The following DENND11 variants were observed in gnomAD, a reference collection of about 807,000 sequenced individuals.
DENND11 encodes the protein DENN domain containing 11.
DENND11 carries 34 observed loss-of-function variants against 49.2 expected under a neutral mutation model. The observed-to-expected ratio is 0.69, with a 90% CI of 0.53 to 0.92. DENND11 has a LOEUF of 0.92. Ranked by LOEUF, DENND11 falls within the 40% of genes least tolerant of loss-of-function variation. DENND11 has a pLI of 0.00. For missense variants in DENND11, 475 were observed against 581.6 expected, an observed-to-expected ratio of 0.82 and a Z score of 1.88; for synonymous variants, 238 against 230.3, an observed-to-expected ratio of 1.03 and a Z score of -0.30.
In DENND11 at chr7:141,661,007, A is replaced by G. The variant is rs558895611; in HGVS notation, c.*1649T>C. On this transcript the variant is annotated 3_prime_UTR_variant, in exon 9 of 9. Transcript: ENST00000536163. ...AATCAATGTCTATTTGCATTTCCACATGTGAATTTCTTCAGTTTTGATATT... is the reference window on the plus strand; with the variant it reads ...AATCAATGTCTATTTGCATTTCCACGTGTGAATTTCTTCAGTTTTGATATT... The G allele has an allele frequency of 1.3e-5, 2 of 152,282 alleles. No homozygotes were observed. Among genetic ancestry groups the G allele is most frequent in the South Asian group, 4.1e-4 (2 of 4,826 alleles). The allele number at this position is 152,282 out of a possible 1,614,324, so 9.4% of individuals were successfully genotyped here. A position where few individuals can be genotyped will look rare whatever the true frequency, so the allele number is the denominator to read the frequency against.
intron 1 of DENND11, among the ~76,000 whole-genome samples, chr7:141,687,333 G>A (rs79038959): frequency 0.049 from 7,408 of 152,206 alleles, 290 homozygotes; most frequent in Non-Finnish European, 0.074. Flanking sequence ...AGTTTCTCCT[G>A]AGCTAGATGC....
intron 3 of DENND11, among the ~76,000 whole-genome samples, chr7:141,678,279 AG>A (rs1311827126): frequency 3.9e-5 from 6 of 152,286 alleles, no homozygotes; most frequent in East Asian, 3.9e-4. Flanking sequence ...CCTTTTTAAA[AG>A]AAATAAAATA....
In DENND11 at chr7:141,701,878, GCCCTCA is replaced by G; in HGVS notation, c.268+2_268+7del. 1 of 1,196,754 alleles carries G rather than the reference GCCCTCA, an allele frequency of 8.4e-7. No individual in the cohort carries two copies. The highest frequency in any genetic ancestry group is 1.0e-6 in the Non-Finnish European group (1 of 966,084). The allele number at this position is 1,196,754 out of a possible 1,614,324, so 74.1% of individuals were successfully genotyped here. A position where few individuals can be genotyped will look rare whatever the true frequency, so the allele number is the denominator to read the frequency against. On this transcript the variant is annotated splice_donor_variant and splice_donor_5th_base_variant and intron_variant, in intron 1 of 8. Coordinates refer to ENST00000536163, the MANE Select transcript of DENND11 (RefSeq NM_001080392.2). LOFTEE classifies it high-confidence loss of function. ...TCCCCACGCGCCTGGCCCCGGCGCG[GCCCTCA>G]CCCGAGCGGGGGTCGAAGGTGACCA...
intron 1 of DENND11, among the ~76,000 whole-genome samples, chr7:141,690,719 T>A (rs761856597): frequency 2.0e-5 from 3 of 152,216 alleles, no homozygotes; most frequent in Non-Finnish European, 4.4e-5. Context: ...AAGCTTAGGT[T>A]AATAGGGCTT....
intron 8 of DENND11, 59 bp from the exon 9 acceptor site, chr7:141,662,910 A>G: frequency 7.7e-7 from 1 of 1,306,100 alleles, no homozygotes; most frequent in Non-Finnish European, 1.0e-6. Context: ...AGCTCACCAG[A>G]TAATCCACAT....
intron 1 of DENND11, among the ~76,000 whole-genome samples, chr7:141,697,904 A>G (rs994187801): frequency 3.3e-5 from 5 of 152,218 alleles, no homozygotes; most frequent in African/African-American, 1.2e-4. Flanking sequence ...GGCACTGGCT[A>G]GAGGCTGAGG....
intron 3 of DENND11, among the ~76,000 whole-genome samples, chr7:141,685,043 T>A (rs1422685960): frequency 2.3e-5 from 3 of 131,208 alleles, no homozygotes; most frequent in South Asian, 2.3e-4. Flanking sequence ...TATATATATA[T>A]ATATATATAT....
intron 1 of DENND11, among the ~76,000 whole-genome samples, chr7:141,687,592 G>A (rs958550276): frequency 6.7e-6 from 1 of 148,322 alleles, no homozygotes; most frequent in Non-Finnish European, 1.5e-5. Flanking sequence ...AGCCTCCCAC[G>A]TAGCTGGGAT....
chr7:141,676,835 T>G (rs1011753704), intron 3 of DENND11, among the ~76,000 whole-genome samples: 8 of 152,114 alleles, frequency 5.3e-5, no homozygotes, highest in Admixed American at 3.3e-4. Context: ...CACACCGAAA[T>G]GCATGCCAAA....
intron 4 of DENND11, among the ~76,000 whole-genome samples, chr7:141,673,442 G>A (rs139411484): frequency 3.9e-5 from 6 of 152,202 alleles, no homozygotes; most frequent in South Asian, 4.1e-4. Flanking sequence ...CAGGGACTGC[G>A]TCCTCTCCTA....
rs986040483 is a variant in DENND11, at chr7:141,659,969, G to A, written c.*2687C>T. 1.3e-5 allele frequency: 2 copies of A among 152,228 alleles called. No individual in the cohort carries two copies. Among genetic ancestry groups the A allele is most frequent in the East Asian group, 1.9e-4 (1 of 5,196 alleles). The allele number at this position is 152,228 out of a possible 1,614,324, so 9.4% of individuals were successfully genotyped here. On this transcript the variant is annotated 3_prime_UTR_variant, in exon 9 of 9. Coordinates refer to ENST00000536163, the MANE Select transcript of DENND11 (RefSeq NM_001080392.2). ...ATGGCTCCTAGCTTCTGCTGCCACT[G>A]TGGAATTCCCTAGTAGAGAACTGGT...
rs776694296 is a variant in DENND11 at position 141,685,521 on chromosome 7, TG to T, written c.483del (p.Tyr161Ter). ...MKSVGILSPS[Y>X]TLLYRYMHFL... ...AAGTGCATGTAGCGGTAAAGCAGTG[TG>T]TAGGAGGGAGAGAGGATGCCCACAG... On this transcript the variant is annotated frameshift_variant, in exon 3 of 9. Transcript: ENST00000536163. LOFTEE classifies it high-confidence loss of function. 2 of 1,613,870 alleles carry T rather than the reference TG, an allele frequency of 1.2e-6. No individual in the cohort carries two copies. The highest frequency in any genetic ancestry group is 1.7e-6 in the Non-Finnish European group (2 of 1,179,862).
intron 7 of DENND11, among the ~76,000 whole-genome samples, chr7:141,664,467 A>C (rs1445380176): frequency 1.3e-5 from 2 of 152,164 alleles, no homozygotes; most frequent in Non-Finnish European, 2.9e-5. Flanking sequence ...GAAGGGGATG[A>C]TGATGATGAT....
At chr7:141,695,307 T>C (rs1196096147) in intron 1 of DENND11, among the ~76,000 whole-genome samples, 2 of 152,172 alleles carry the variant, frequency 1.3e-5, no homozygotes, top group Non-Finnish European at 2.9e-5. Context: ...CTTTCAACTT[T>C]TCAAAACATT....
chr7:141,677,872 C>T (rs1798089031), intron 3 of DENND11, among the ~76,000 whole-genome samples: 1 of 151,930 alleles, frequency 6.6e-6, no homozygotes, highest in South Asian at 2.1e-4. Context: ...GCTGTGAAAC[C>T]ACAATAATGT....
In DENND11 at chr7:141,676,830, C is replaced by T. The variant is rs147136235; in HGVS notation, c.528-2610G>A. Among the ~76,000 whole-genome samples the T allele has an allele frequency of 1.5e-3, 223 of 152,248 alleles. 2 individuals are homozygous for T. Among genetic ancestry groups the T allele is most frequent in the African/African-American group, 5.1e-3 (212 of 41,538 alleles). ...TGCAGAAATTGAGAAACCACCACAC[C>T]GAAATGCATGCCAAACCACCTATGG... is the stretch of plus-strand genomic sequence containing the variant. On this transcript the variant is annotated intron_variant, in intron 3 of 8. Coordinates refer to ENST00000536163, the MANE Select transcript of DENND11 (RefSeq NM_001080392.2).
intron 4 of DENND11, among the ~76,000 whole-genome samples, chr7:141,670,903 G>T (rs12703402): frequency 0.12 from 18,021 of 152,172 alleles, 1,439 homozygotes; most frequent in East Asian, 0.35. Context: ...ACATGGGAAC[G>T]TGAGCATCTG....
chr7:141,702,094 G>A lies in DENND11; in HGVS notation c.60C>T (p.Ser20=). 1 of 985,022 alleles carries A rather than the reference G, an allele frequency of 1.0e-6. No homozygotes were observed. The highest frequency in any genetic ancestry group is 1.2e-6 in the Non-Finnish European group (1 of 831,062). The allele number at this position is 985,022 out of a possible 1,614,324, so 61.0% of individuals were successfully genotyped here. The change falls in exon 1 of 9, where the codon TCC becomes TCT. Residue 20 remains serine, a synonymous_variant. Transcript: ENST00000536163. ...LLRWAEGPAV[S]LPQAPQPQAG... is the part of the protein sequence containing the mutation. ...CCTGCGGCTGCGGGGCCTGCGGCAGGGAGACGGCGGGGCCCTCGGCCCAGC... is the reference window on the plus strand; with the variant it reads ...CCTGCGGCTGCGGGGCCTGCGGCAGAGAGACGGCGGGGCCCTCGGCCCAGC...
At chr7:141,688,386 A>G (rs12671314) in intron 1 of DENND11, among the ~76,000 whole-genome samples, 53,744 of 152,116 alleles carry the variant, frequency 0.35, 11,027 homozygotes, top group East Asian at 0.52. Context: ...GTCTCAGGAC[A>G]TGGTAGATAT....
Sources: allele counts gnomAD v4.1 joint callset (sites outside exome capture counted in the v4.1 genomes callset), GRCh38; gene constraint gnomAD v4.1.1; transcripts MANE v1.5; gene names NCBI Gene and HGNC (gene_info 2026-07-23, HGNC 2026-07-21).